Variants in PICALM observed in about 807,000 individuals in gnomAD.
The protein encoded by PICALM is phosphatidylinositol-binding clathrin assembly protein.
Under a neutral mutation model 80.5 loss-of-function variants are expected in PICALM, and 40 were observed. The ratio of observed to expected loss-of-function variants is 0.50; its 90% CI spans 0.39 to 0.65. The LOEUF (loss-of-function observed/expected upper bound fraction) is 0.65. PICALM is among the 30% of genes least tolerant of loss of function. The pLI is 0.00. For missense variants in PICALM, 676 were observed against 778.9 expected (o/e 0.87, Z 1.57); for synonymous variants, 288 against 260.3 (o/e 1.11, Z -1.02).
chr11:85,983,099 A>G (rs1267779682), intron 14 of PICALM, among the ~76,000 whole-genome samples: 1 of 152,184 alleles, frequency 6.6e-6, no homozygotes. Flanking sequence ...TAGTCCATAC[A>G]TATTCTTTAT....
intron 1 of PICALM, among the ~76,000 whole-genome samples, chr11:86,067,171 G>A (rs936960810): frequency 6.6e-6 from 1 of 152,140 alleles, no homozygotes. Context: ...TCTACATTTC[G>A]TACATTTTTT....
At chr11:86,033,184 T>C (rs905014605) in intron 1 of PICALM, among the ~76,000 whole-genome samples, 7 of 152,206 alleles carry the variant, frequency 4.6e-5, no homozygotes, top group African/African-American at 1.2e-4. Context: ...GCACTGAACA[T>C]ATTACACTAG....
At chr11:85,997,525 C>A (rs922251542) in intron 11 of PICALM, among the ~76,000 whole-genome samples, 1 of 152,198 alleles carries the variant, frequency 6.6e-6, no homozygotes, top group Non-Finnish European at 1.5e-5. Flanking sequence ...GGATGGAGTG[C>A]AGCGGCGTGA....
intron 1 of PICALM, among the ~76,000 whole-genome samples, chr11:86,050,584 T>C (rs567525379): frequency 2.0e-5 from 3 of 152,184 alleles, no homozygotes; most frequent in Admixed American, 6.5e-5. Flanking sequence ...GCAACAATAA[T>C]AATGTTTACA....
intron 2 of PICALM, among the ~76,000 whole-genome samples, chr11:86,027,194 T>C (rs2095661787): frequency 6.6e-6 from 1 of 152,234 alleles, no homozygotes; most frequent in Non-Finnish European, 1.5e-5. Context: ...TGTATTGACA[T>C]ATTTCTTCAT....
chr11:86,048,668 C>T (rs2096120878), intron 1 of PICALM, among the ~76,000 whole-genome samples: 1 of 151,656 alleles, frequency 6.6e-6, no homozygotes, highest in African/African-American at 2.4e-5. Flanking sequence ...CCCAGCTCTA[C>T]TAAAAATACA....
At chr11:85,976,128 T>G (rs959698820) in intron 18 of PICALM, among the ~76,000 whole-genome samples, 8 of 152,004 alleles carry the variant, frequency 5.3e-5, no homozygotes, top group African/African-American at 1.9e-4. Flanking sequence ...ATACTGAGAG[T>G]TGGGAAACTA....
chr11:86,036,945 C>CAA (rs57778395), intron 1 of PICALM, among the ~76,000 whole-genome samples: 14 of 125,914 alleles, frequency 1.1e-4, no homozygotes, highest in Non-Finnish European at 1.3e-4. Context: ...CAACAACAAC[C>CAA]AAAAAAAAAA....
intron 2 of PICALM, among the ~76,000 whole-genome samples, chr11:86,030,105 A>G (rs2095722812): frequency 6.6e-6 from 1 of 152,250 alleles, no homozygotes; most frequent in Admixed American, 6.5e-5. Context: ...TTACATAGTT[A>G]CTAAAGATGA....
chr11:86,054,246 C>T (rs962729834), intron 1 of PICALM, among the ~76,000 whole-genome samples: 15 of 152,204 alleles, frequency 9.9e-5, no homozygotes, highest in African/African-American at 3.4e-4. Flanking sequence ...TCATGCATTC[C>T]TTCTTTCCTG....
At chr11:86,027,668 G>A (rs899932259) in intron 2 of PICALM, among the ~76,000 whole-genome samples, 1 of 151,754 alleles carries the variant, frequency 6.6e-6, no homozygotes, top group African/African-American at 2.4e-5. Flanking sequence ...GGGACTACAG[G>A]CATGTCCAGC....
intron 8 of PICALM, chr11:86,007,260 G>GT (rs142905622): frequency 9.3e-4 from 178 of 192,144 alleles, no homozygotes; most frequent in East Asian, 2.0e-3. Flanking sequence ...GTTCCAAAAA[G>GT]TTTTTTTTTC....
intron 1 of PICALM, among the ~76,000 whole-genome samples, chr11:86,066,797 C>T (rs1040984411): frequency 6.7e-6 from 1 of 149,286 alleles, no homozygotes; most frequent in African/African-American, 2.5e-5. Context: ...AGAATTAACA[C>T]AGTGTCAGGA....
In PICALM at chr11:85,990,185, G is replaced by A. The variant is rs1276513298; in HGVS notation, c.1408+65C>T. On this transcript the variant is annotated intron_variant, in intron 13 of 19. Transcript: ENST00000393346. ...TGCAGTGCTTTTAAAATAATTAATG[G>A]ACACGTAAAATATAGTTAGGCAGTA... 6 of 823,836 alleles carry A rather than the reference G, an allele frequency of 7.3e-6. No individual in the cohort carries two copies. The African/African-American group carries it at 8.6e-5, about 12-fold the overall frequency. The allele number at this position is 823,836 out of a possible 1,614,324, so 51.0% of individuals were successfully genotyped here. A position where few individuals can be genotyped will look rare whatever the true frequency, so the allele number is the denominator to read the frequency against.
intron 1 of PICALM, among the ~76,000 whole-genome samples, chr11:86,062,218 C>A (rs1024374515): frequency 1.3e-5 from 2 of 152,146 alleles, no homozygotes; most frequent in Admixed American, 1.3e-4. Flanking sequence ...AACATACAAA[C>A]AGCAAGAGTA....
rs76280881 is a variant in PICALM, at chr11:85,988,043, T to C, written c.1408+2207A>G. On this transcript the variant is annotated intron_variant, in intron 13 of 19. Transcript: ENST00000393346. Reference sequence around the variant, plus strand: ...AATACATTTAGTCCTGTCCAATTCTTGTAATCAAGAGCCTCAATTCTTTAG... The same window carrying C: ...AATACATTTAGTCCTGTCCAATTCTCGTAATCAAGAGCCTCAATTCTTTAG... 4.7e-4 allele frequency among the ~76,000 whole-genome samples: 71 copies of C among 152,356 alleles called. 1 individual carries two copies. The East Asian group carries it at 0.014, about 29-fold the overall frequency.
chr11:85,996,463 C>T lies in PICALM; in HGVS notation c.1258+363G>A, dbSNP rs570863761. ...TACTTAACACAAAGATAAGTTATTCCCCAAAAGTTAAAAAAAAAAAATTCT... is the reference window on the plus strand; with the variant it reads ...TACTTAACACAAAGATAAGTTATTCTCCAAAAGTTAAAAAAAAAAAATTCT... On this transcript the variant is annotated intron_variant, in intron 12 of 19. Transcript: ENST00000393346. Among the ~76,000 whole-genome samples the T allele has an allele frequency of 1.9e-4, 29 of 151,508 alleles. 2 individuals are homozygous for T. The East Asian group carries it at 5.6e-3, about 29-fold the overall frequency.
intron 12 of PICALM, among the ~76,000 whole-genome samples, chr11:85,991,252 A>C (rs2135919985): frequency 6.6e-6 from 1 of 152,332 alleles, no homozygotes; most frequent in East Asian, 1.9e-4. Flanking sequence ...CAGCAAAAAT[A>C]GTATAATTTT....
At position 85,970,492 on chromosome 11, in the gene PICALM, A is replaced by G. The variant is rs11234497; in HGVS notation, c.1944+4216T>C. On this transcript the variant is annotated intron_variant, in intron 19 of 19. Coordinates refer to ENST00000393346, the MANE Select transcript of PICALM (RefSeq NM_007166.4). Reference sequence around the variant, plus strand: ...TTTTAAGATGGAAGGAAAGCTGAGAAAAGGCTTTAAATGTTCAGTTATATT... The same window carrying G: ...TTTTAAGATGGAAGGAAAGCTGAGAGAAGGCTTTAAATGTTCAGTTATATT... 4.6e-3 allele frequency among the ~76,000 whole-genome samples: 699 copies of G among 152,362 alleles called. 28 individuals carry two copies. In the East Asian group the frequency reaches 0.11, roughly 23 times the overall value.
Sources: allele counts gnomAD v4.1 joint callset (sites outside exome capture counted in the v4.1 genomes callset), GRCh38; gene constraint gnomAD v4.1.1; transcripts MANE v1.5; gene names NCBI Gene and HGNC (gene_info 2026-07-23, HGNC 2026-07-21).